Variants in RASSF8 observed in about 807,000 individuals in gnomAD.
RASSF8 encodes the protein ras association domain-containing protein 8.
RASSF8 carries 22 observed loss-of-function variants against 48.5 expected under a neutral mutation model. The ratio of observed to expected loss-of-function variants is 0.45; its 90% CI spans 0.32 to 0.65. The LOEUF (loss-of-function observed/expected upper bound fraction) is 0.65, where lower values mean the gene tolerates loss of function less well. Ranked by LOEUF, RASSF8 falls within the 30% of genes least tolerant of loss-of-function variation. The pLI is 0.03. For synonymous variants in RASSF8, 127 were observed against 171.5 expected (o/e 0.74, Z 2.03); for missense variants, 418 against 489.2 (o/e 0.85, Z 1.37).
chr12:25,976,582 T>C (rs1189396269), intron 1 of RASSF8, among the ~76,000 whole-genome samples: 1 of 152,216 alleles, frequency 6.6e-6, no homozygotes, highest in Non-Finnish European at 1.5e-5. Flanking sequence ...AATGGGAAAC[T>C]TCTAGTGGGT....
chr12:26,002,624 A>T (rs899595637), intron 2 of RASSF8, among the ~76,000 whole-genome samples: 1 of 152,102 alleles, frequency 6.6e-6, no homozygotes, highest in African/African-American at 2.4e-5. Context: ...AATAGAAAAA[A>T]ATTAGCCAAG....
intron 1 of RASSF8, among the ~76,000 whole-genome samples, chr12:25,978,854 A>C (rs1941671344): frequency 6.6e-6 from 1 of 152,070 alleles, no homozygotes; most frequent in Non-Finnish European, 1.5e-5. Context: ...ACCTTAATGA[A>C]AGGATTTCAT....
chr12:26,020,580 G>C (rs1008964352), intron 2 of RASSF8: 10 of 152,078 alleles, frequency 6.6e-5, no homozygotes, highest in African/African-American at 2.2e-4. Flanking sequence ...TGAGACATGA[G>C]CTGAGCTATC....
chr12:26,023,175 A>G (rs962817650), intron 2 of RASSF8, among the ~76,000 whole-genome samples: 2 of 152,218 alleles, frequency 1.3e-5, no homozygotes, highest in Non-Finnish European at 2.9e-5. Context: ...TATGGACATC[A>G]TTAAGGGCAC....
intron 2 of RASSF8, among the ~76,000 whole-genome samples, chr12:26,014,722 A>G (rs1442571658): frequency 6.6e-6 from 1 of 152,170 alleles, no homozygotes; most frequent in East Asian, 1.9e-4. Flanking sequence ...AGAAACTTTG[A>G]AGTTTTCATT....
intron 2 of RASSF8, among the ~76,000 whole-genome samples, chr12:26,024,099 A>G (rs933660662): frequency 1.2e-4 from 19 of 152,224 alleles, no homozygotes; most frequent in African/African-American, 4.3e-4. Context: ...CATAGTATGT[A>G]TCACAATAAA....
At chr12:25,965,685 T>A (rs952530660) in intron 1 of RASSF8, among the ~76,000 whole-genome samples, 52 of 152,220 alleles carry the variant, frequency 3.4e-4, no homozygotes, top group African/African-American at 1.2e-3. Flanking sequence ...TTGTAATTTA[T>A]CTTCCTTTCA....
At chr12:25,967,583 G>A (rs922122617) in intron 1 of RASSF8, among the ~76,000 whole-genome samples, 2 of 152,074 alleles carry the variant, frequency 1.3e-5, no homozygotes, top group Non-Finnish European at 2.9e-5. Flanking sequence ...AAGAAGTTGT[G>A]AGCCTTATCG....
chr12:26,053,844 A>G (rs1943546062), intron 2 of RASSF8, among the ~76,000 whole-genome samples: 1 of 152,186 alleles, frequency 6.6e-6, no homozygotes, highest in Non-Finnish European at 1.5e-5. Context: ...GATGACAAAA[A>G]GGATTTGTGT....
rs1026511058 is a variant in RASSF8, at chr12:25,970,096, A to G, written c.-203+10948A>G. On this transcript the variant is annotated intron_variant, in intron 1 of 5. Transcript: ENST00000689635. ...ACTCTCTTTCTTCCTGTACGACCCC[A>G]CTTTTTTTTTTTTTTGGTGAGAGGT... is the stretch of plus-strand genomic sequence containing the variant. Among the ~76,000 whole-genome samples the G allele has an allele frequency of 3.7e-3, 517 of 139,808 alleles. 5 individuals are homozygous for G. The highest frequency in any genetic ancestry group is 0.014 in the African/African-American group (504 of 37,214). 91.7% of individuals were successfully genotyped at this position (139,808 alleles called of 152,430 possible).
chr12:26,025,562 C>CAAAA (rs34036145), intron 2 of RASSF8, among the ~76,000 whole-genome samples: 14 of 100,712 alleles, frequency 1.4e-4, no homozygotes, highest in East Asian at 8.6e-4. Flanking sequence ...GACTCTGTCT[C>CAAAA]AAAAAAAAAA....
chr12:25,993,760 ACT>A lies in RASSF8; in HGVS notation c.-202-1275_-202-1274del, dbSNP rs1942067463. Among the ~76,000 whole-genome samples, 3 of 152,228 alleles carry A rather than the reference ACT, an allele frequency of 2.0e-5. No homozygotes were observed. The South Asian group carries it at 6.2e-4, about 32-fold the overall frequency. On this transcript the variant is annotated intron_variant, in intron 1 of 5. Transcript: ENST00000689635. The stretch of plus-strand genomic sequence containing the variant: ...GTCTACTTGAAGCCAGAAGACTCTA[ACT>A]CAACATCTGGTATAAGAAGATGCAG...
chr12:26,063,948 G>A (rs1943805572), intron 3 of RASSF8, among the ~76,000 whole-genome samples: 1 of 152,022 alleles, frequency 6.6e-6, no homozygotes, highest in Non-Finnish European at 1.5e-5. Flanking sequence ...AGGAGACCTG[G>A]GCACCTCCTG....
exon 6 of RASSF8, chr12:26,079,121 G>T: frequency 7.2e-7 from 1 of 1,384,462 alleles, no homozygotes; most frequent in South Asian, 1.3e-5. Flanking sequence ...GAACAAGTGG[G>T]ACTACATTAA....
At chr12:25,998,501 C>T (rs1942183769) in intron 2 of RASSF8, among the ~76,000 whole-genome samples, 1 of 152,074 alleles carries the variant, frequency 6.6e-6, no homozygotes, top group South Asian at 2.1e-4. Context: ...AGGCATGCAT[C>T]ACCACTCCTG....
chr12:25,962,054 GA>G (rs35442873), intron 1 of RASSF8, among the ~76,000 whole-genome samples: 109,741 of 150,844 alleles, frequency 0.73, 39,921 homozygotes, highest in South Asian at 0.77. Flanking sequence ...CCAGCAGCCT[GA>G]AAAAAAAAAG....
intron 3 of RASSF8, among the ~76,000 whole-genome samples, chr12:26,057,317 C>T (rs950012844): frequency 1.3e-5 from 2 of 152,130 alleles, no homozygotes; most frequent in African/African-American, 4.8e-5. Context: ...GTGGTGTTCT[C>T]CACCCTGTGT....
intron 2 of RASSF8, among the ~76,000 whole-genome samples, chr12:26,041,696 A>G (rs1443034698): frequency 6.6e-6 from 1 of 152,158 alleles, no homozygotes; most frequent in Non-Finnish European, 1.5e-5. Flanking sequence ...CACACATAGT[A>G]AAATACTAAA....
At chr12:26,050,044 A>G (rs1005653177) in intron 2 of RASSF8, among the ~76,000 whole-genome samples, 2 of 152,202 alleles carry the variant, frequency 1.3e-5, no homozygotes, top group Non-Finnish European at 2.9e-5. Context: ...CGGCCTCCCA[A>G]AGTGCTGGAA....
Sources: gnomAD v4.1 joint callset for allele counts (sites outside exome capture counted in the v4.1 genomes callset) on GRCh38, gnomAD v4.1.1 for gene constraint, MANE v1.5 for transcripts, NCBI Gene and HGNC (gene_info 2026-07-23, HGNC 2026-07-21) for gene names.